ENOX2: variants seen among roughly 807,000 people sequenced by gnomAD.
The protein encoded by ENOX2 is ecto-NOX disulfide-thiol exchanger 2.
Under a neutral mutation model 45.0 loss-of-function variants are expected in ENOX2, and 36 were observed. The observed-to-expected ratio is 0.80, with a 90% CI of 0.61 to 1.06. The LOEUF (loss-of-function observed/expected upper bound fraction) is 1.06, where lower values mean the gene tolerates loss of function less well. ENOX2 is among the 50% of genes least tolerant of loss of function. The probability of loss-of-function intolerance (pLI) is 0.00; values close to 1 mark genes in which losing one functional copy is unlikely to be tolerated. For missense variants in ENOX2, 423 were observed against 462.5 expected, an observed-to-expected ratio of 0.91 and a Z score of 0.78; for synonymous variants, 174 against 152.3, an observed-to-expected ratio of 1.14 and a Z score of -1.05.
intron 9 of ENOX2, among the ~76,000 whole-genome samples, chrX:130,663,396 C>T (rs189936003): frequency 1.0e-4 from 11 of 110,122 alleles, no homozygotes; most frequent in Admixed American, 5.8e-4. Context: ...CCAGGCATGG[C>T]GGCGTGTGCC....
chrX:130,743,547 T>C (rs1000086418), intron 3 of ENOX2, among the ~76,000 whole-genome samples: 6 of 110,017 alleles, frequency 5.5e-5, no homozygotes, highest in Non-Finnish European at 9.5e-5. Flanking sequence ...TCTTGGCTCA[T>C]TGCAATCTCT....
chrX:130,881,832 A>G (rs959795349), intron 2 of ENOX2, among the ~76,000 whole-genome samples: 3 of 112,024 alleles, frequency 2.7e-5, no homozygotes, highest in African/African-American at 6.5e-5. Flanking sequence ...TATGCAAAGC[A>G]GAAGCAATTT....
chrX:130,680,018 G>A (rs779685957), intron 5 of ENOX2, among the ~76,000 whole-genome samples: 7 of 111,743 alleles, frequency 6.3e-5, no homozygotes, highest in Non-Finnish European at 1.1e-4. Context: ...AGTTTTGTTC[G>A]TTACTTTTGT....
rs757242444 is a variant in ENOX2, at chrX:130,843,962, T to C, written c.-183+57722A>G. Among the ~76,000 whole-genome samples the C allele has an allele frequency of 4.5e-5, 5 of 112,341 alleles. No individual in the cohort carries two copies. In the East Asian group the frequency reaches 1.4e-3, roughly 31 times the overall value. ...GGTGTCCGTGGCACTTAGCACAGTGTCTGGTACATCATAGTTGGTTAATAA... is the reference window on the plus strand; with the variant it reads ...GGTGTCCGTGGCACTTAGCACAGTGCCTGGTACATCATAGTTGGTTAATAA... On this transcript the variant is annotated intron_variant, in intron 2 of 14. Transcript: ENST00000394363.
rs772513227 is a variant in ENOX2, at chrX:130,693,918, C to G, written c.98-4900G>C. On this transcript the variant is annotated intron_variant, in intron 4 of 14. Coordinates refer to ENST00000394363, the MANE Select transcript of ENOX2 (RefSeq NM_006375.4). The stretch of plus-strand genomic sequence containing the variant: ...TCCTCATGGAAGGCTGACTACCCTG[C>G]TAGAGAGACCATGTGGAGAGAGACT... Among the ~76,000 whole-genome samples, 6 of 111,763 alleles carry G rather than the reference C, an allele frequency of 5.4e-5. No homozygotes were observed. In the East Asian group the frequency reaches 1.7e-3, roughly 32 times the overall value.
chrX:130,700,840 G>A (rs2037879446), intron 4 of ENOX2, among the ~76,000 whole-genome samples: 1 of 111,558 alleles, frequency 9.0e-6, no homozygotes, highest in Non-Finnish European at 1.9e-5. Context: ...TTGCTTAAGG[G>A]TAACACAGTA....
intron 11 of ENOX2, among the ~76,000 whole-genome samples, chrX:130,636,430 T>G (rs1052803049): frequency 8.9e-6 from 1 of 112,325 alleles, no homozygotes; most frequent in African/African-American, 3.2e-5. Flanking sequence ...TAAAAACTAT[T>G]GCACAATTTA....
At chrX:130,687,063 TGA>T (rs2037468021) in intron 5 of ENOX2, among the ~76,000 whole-genome samples, 1 of 111,927 alleles carries the variant, frequency 8.9e-6, no homozygotes, top group African/African-American at 3.2e-5. Flanking sequence ...AAAATGTATT[TGA>T]GAGATGTCAG....
intron 3 of ENOX2, among the ~76,000 whole-genome samples, chrX:130,757,739 T>G (rs1177254880): frequency 9.5e-6 from 1 of 105,070 alleles, no homozygotes; most frequent in Non-Finnish European, 2.0e-5. Flanking sequence ...CTACGCATTC[T>G]TTTTTTTTTT....
intron 2 of ENOX2, among the ~76,000 whole-genome samples, chrX:130,795,602 G>T (rs954429466): frequency 9.0e-6 from 1 of 111,370 alleles, no homozygotes; most frequent in Non-Finnish European, 1.9e-5. Context: ...TAATATGATA[G>T]TTTTTTTTCC....
At chrX:130,633,610 A>C (rs1034427027) in intron 12 of ENOX2, among the ~76,000 whole-genome samples, 2 of 112,572 alleles carry the variant, frequency 1.8e-5, no homozygotes, top group Non-Finnish European at 3.8e-5. Context: ...ATGCCATTTG[A>C]CCTCTTACTT....
At chrX:130,780,157 G>A (rs973003292) in intron 3 of ENOX2, among the ~76,000 whole-genome samples, 5 of 110,857 alleles carry the variant, frequency 4.5e-5, no homozygotes, top group African/African-American at 1.6e-4. Context: ...GTTTTGGGGA[G>A]TAGCAGAAAA....
intron 2 of ENOX2, among the ~76,000 whole-genome samples, chrX:130,799,159 A>C (rs1259933883): frequency 9.0e-6 from 1 of 111,695 alleles, no homozygotes; most frequent in Non-Finnish European, 1.9e-5. Context: ...CTGCTAGTGC[A>C]CCTAGAATTA....
At chrX:130,757,051 G>A (rs1052286411) in intron 3 of ENOX2, among the ~76,000 whole-genome samples, 6 of 111,817 alleles carry the variant, frequency 5.4e-5, no homozygotes, top group East Asian at 2.8e-4. Context: ...ATTTTCATAC[G>A]TCCCATAAGA....
chrX:130,646,257 T>A, intron 10 of ENOX2: 1 of 420,699 alleles, frequency 2.4e-6, no homozygotes, highest in Non-Finnish European at 4.4e-6. Flanking sequence ...GACTGCAGCA[T>A]GAGAACACCT....
At chrX:130,824,205 GA>G (rs765029680) in intron 2 of ENOX2, among the ~76,000 whole-genome samples, 4 of 111,192 alleles carry the variant, frequency 3.6e-5, no homozygotes, top group East Asian at 5.6e-4. Context: ...TTTTATTGCA[GA>G]AAAAAACACA....
intron 3 of ENOX2, among the ~76,000 whole-genome samples, chrX:130,732,550 A>G (rs2038762001): frequency 1.8e-5 from 2 of 112,117 alleles, no homozygotes; most frequent in African/African-American, 6.5e-5. Flanking sequence ...TAGCCAAATC[A>G]ATATTGAGAA....
chrX:130,667,482 A>C (rs778585208), intron 8 of ENOX2, 48 bp downstream of exon 8: 1 of 1,119,007 alleles, frequency 8.9e-7, no homozygotes, highest in South Asian at 1.8e-5. Flanking sequence ...CAAGTGACTA[A>C]GTGAAGTGAC....
chrX:130,855,417 C>T (rs2078290433), intron 2 of ENOX2, among the ~76,000 whole-genome samples: 1 of 111,379 alleles, frequency 9.0e-6, no homozygotes, highest in Non-Finnish European at 1.9e-5. Flanking sequence ...ACTACAATAA[C>T]GATGAAAAAT....
Sources: gnomAD v4.1 joint callset for allele counts (sites outside exome capture counted in the v4.1 genomes callset) on GRCh38, gnomAD v4.1.1 for gene constraint, MANE v1.5 for transcripts, NCBI Gene and HGNC (gene_info 2026-07-23, HGNC 2026-07-21) for gene names.